The following NETO1 variants were observed in gnomAD, a reference collection of about 807,000 sequenced individuals.
NETO1 encodes neuropilin and tolloid-like protein 1.
A neutral mutation model predicts 61.3 loss-of-function variants in NETO1; 26 were observed. That is an observed-to-expected ratio of 0.42 (90% CI 0.31 to 0.59). The LOEUF (loss-of-function observed/expected upper bound fraction) is 0.59, where lower values mean the gene tolerates loss of function less well. Ranked by LOEUF, NETO1 falls within the 20% of genes least tolerant of loss-of-function variation. NETO1 has a pLI of 0.12. For synonymous variants in NETO1, 225 were observed against 225.8 expected, an observed-to-expected ratio of 1.00 and a Z score of 0.03; for missense variants, 531 against 662.8, an observed-to-expected ratio of 0.80 and a Z score of 2.18.
intron 4 of NETO1, among the ~76,000 whole-genome samples, chr18:72,855,272 C>T (rs1218447838): frequency 6.6e-6 from 1 of 152,208 alleles, no homozygotes; most frequent in African/African-American, 2.4e-5. Context: ...TCTGCGCCCC[C>T]TGGCCCTTCT....
intron 4 of NETO1, among the ~76,000 whole-genome samples, chr18:72,819,515 T>G (rs1052225477): frequency 2.0e-5 from 3 of 152,290 alleles, no homozygotes. Flanking sequence ...TTCCTAAGCT[T>G]TGCCCTAGTC....
intron 4 of NETO1, among the ~76,000 whole-genome samples, chr18:72,848,320 C>G (rs551215172): frequency 6.6e-6 from 1 of 152,098 alleles, no homozygotes; most frequent in South Asian, 2.1e-4. Flanking sequence ...TCCCATGTTG[C>G]CCAAAAGTCT....
At chr18:72,840,504 C>A (rs1203488061) in intron 4 of NETO1, among the ~76,000 whole-genome samples, 1 of 152,124 alleles carries the variant, frequency 6.6e-6, no homozygotes, top group African/African-American at 2.4e-5. Flanking sequence ...ACGATATGAG[C>A]AATAGGAGGG....
At chr18:72,801,277 C>A (rs893764600) in intron 4 of NETO1, among the ~76,000 whole-genome samples, 3 of 152,044 alleles carry the variant, frequency 2.0e-5, no homozygotes, top group Admixed American at 1.3e-4. Context: ...AAATAATATA[C>A]TCCAATTATG....
At chr18:72,758,334 CCAG>C (rs1249256511) in intron 7 of NETO1, among the ~76,000 whole-genome samples, 1 of 149,802 alleles carries the variant, frequency 6.7e-6, no homozygotes, top group African/African-American at 2.5e-5. Flanking sequence ...TGCAAATATG[CCAG>C]TTAATTAGGA....
In NETO1 at chr18:72,809,880, C is replaced by A. The variant is rs1599045149; in HGVS notation, c.470-15476G>T. ...AGTGATGATAGATACTTGCTACATGCCAAGATAGCCACTTTTCCTTTAATA... is the reference window on the plus strand; with the variant it reads ...AGTGATGATAGATACTTGCTACATGACAAGATAGCCACTTTTCCTTTAATA... On this transcript the variant is annotated intron_variant, in intron 4 of 10. Coordinates refer to ENST00000327305, the MANE Select transcript of NETO1 (RefSeq NM_138966.5). Among the ~76,000 whole-genome samples, 7 of 152,302 alleles carry A rather than the reference C, an allele frequency of 4.6e-5. No individual in the cohort carries two copies. The East Asian group carries it at 1.4e-3, about 29-fold the overall frequency.
chr18:72,816,598 T>C (rs2073040418), intron 4 of NETO1, among the ~76,000 whole-genome samples: 1 of 151,934 alleles, frequency 6.6e-6, no homozygotes. Context: ...ATGGAGAACC[T>C]CTCCAGGCAG....
At chr18:72,764,125 T>A (rs748270315) in intron 7 of NETO1, among the ~76,000 whole-genome samples, 3 of 152,168 alleles carry the variant, frequency 2.0e-5, no homozygotes, top group Non-Finnish European at 4.4e-5. Flanking sequence ...AAATTCAAGG[T>A]GAAATTTGGG....
intron 6 of NETO1, among the ~76,000 whole-genome samples, chr18:72,793,884 T>C (rs1190859174): frequency 1.3e-5 from 2 of 152,224 alleles, no homozygotes; most frequent in Non-Finnish European, 2.9e-5. Context: ...TAAAGTCTCT[T>C]GTCTAAATTA....
intron 4 of NETO1, among the ~76,000 whole-genome samples, chr18:72,810,254 A>C (rs565329499): frequency 6.6e-6 from 1 of 152,302 alleles, no homozygotes; most frequent in South Asian, 2.1e-4. Flanking sequence ...TTATTACAGT[A>C]ATTTAGGTTT....
chr18:72,787,743 C>T (rs1336504084), intron 6 of NETO1, among the ~76,000 whole-genome samples: 1 of 152,112 alleles, frequency 6.6e-6, no homozygotes, highest in Admixed American at 6.5e-5. Flanking sequence ...ACTGAAGTAA[C>T]GGACTGGTAC....
chr18:72,819,459 T>G lies in NETO1; in HGVS notation c.470-25055A>C, dbSNP rs559751400. ...ATAATTCTATGATTTCAAAAATATT[T>G]GACGTTGATACTGGATTTATTTCAA... On this transcript the variant is annotated intron_variant, in intron 4 of 10. Transcript: ENST00000327305. Among the ~76,000 whole-genome samples, 26 of 152,330 alleles carry G rather than the reference T, an allele frequency of 1.7e-4. No individual in the cohort carries two copies. In the South Asian group the frequency reaches 3.5e-3, roughly 21 times the overall value.
chr18:72,793,307 G>A (rs1279778737), intron 6 of NETO1, among the ~76,000 whole-genome samples: 3 of 152,022 alleles, frequency 2.0e-5, no homozygotes, highest in African/African-American at 7.2e-5. Context: ...TAACATCTTA[G>A]ACCTGTGACA....
At position 72,858,908 on chromosome 18, in the gene NETO1, A is replaced by C; in HGVS notation, c.387T>G (p.Ser129Arg). Residue 129 changes from serine to arginine, a missense_variant, in exon 4 of 11, where the codon AGT becomes AGG. Ser to Arg is a moderately radical substitution (Grantham distance 110). Transcript: ENST00000327305. ...GQQNPPVIKS[S>R]GRFLWIKFFA... ...AAAATTTAATCCATAGAAATCTTCC[A>C]CTGGATTTTATGACAGGTGGATTTT... 6.2e-7 allele frequency: 1 copy of C among 1,613,894 alleles called. No homozygotes were observed. The highest frequency in any genetic ancestry group is 8.5e-7 in the Non-Finnish European group (1 of 1,179,848).
At chr18:72,850,279 A>G (rs967414022) in intron 4 of NETO1, among the ~76,000 whole-genome samples, 1 of 152,208 alleles carries the variant, frequency 6.6e-6, no homozygotes, top group Admixed American at 6.5e-5. Context: ...CAGTTGTTAA[A>G]TAAGTGTAGG....
At chr18:72,760,419 G>A (rs1365406533) in intron 7 of NETO1, among the ~76,000 whole-genome samples, 1 of 152,172 alleles carries the variant, frequency 6.6e-6, no homozygotes, top group Non-Finnish European at 1.5e-5. Flanking sequence ...ACACACATCA[G>A]CCTGGGATTG....
intron 4 of NETO1, among the ~76,000 whole-genome samples, chr18:72,846,098 C>T (rs1486408926): frequency 2.0e-5 from 3 of 151,358 alleles, no homozygotes; most frequent in African/African-American, 7.3e-5. Flanking sequence ...AATGTGAGAG[C>T]AAACCAAAAA....
intron 7 of NETO1, among the ~76,000 whole-genome samples, chr18:72,770,410 A>AT (rs903648189): frequency 2.0e-5 from 3 of 152,038 alleles, no homozygotes; most frequent in South Asian, 2.1e-4. Context: ...GAATATGGTG[A>AT]TTTTTTTCTT....
At chr18:72,754,674 A>T (rs903969952) in intron 8 of NETO1, among the ~76,000 whole-genome samples, 2 of 152,200 alleles carry the variant, frequency 1.3e-5, no homozygotes, top group Non-Finnish European at 2.9e-5. Context: ...AATTACATGA[A>T]AGAAAAATTT....
Sources: allele counts gnomAD v4.1 joint callset (sites outside exome capture counted in the v4.1 genomes callset), GRCh38; gene constraint gnomAD v4.1.1; transcripts MANE v1.5; gene names NCBI Gene and HGNC (gene_info 2026-07-23, HGNC 2026-07-21).